RAP1B: variants seen among roughly 807,000 people sequenced by gnomAD.
The protein encoded by RAP1B is ras-related protein Rap-1b.
Under a neutral mutation model 27.5 loss-of-function variants are expected in RAP1B, and 1 was observed. The ratio of observed to expected loss-of-function variants is 0.04; its 90% CI spans 0.01 to 0.17. RAP1B has a LOEUF of 0.17. Among genes scored for constraint, RAP1B ranks in the 10% least tolerant of loss-of-function variants. RAP1B has a pLI of 1.00. For missense variants in RAP1B, 84 were observed against 214.8 expected (o/e 0.39, Z 3.81); for synonymous variants, 75 against 73.1 (o/e 1.03, Z -0.13).
chr12:68,638,009 A>G (rs1872746242), intron 1 of RAP1B, among the ~76,000 whole-genome samples: 1 of 152,160 alleles, frequency 6.6e-6, no homozygotes, highest in Non-Finnish European at 1.5e-5. Context: ...AATTTTGCTA[A>G]CTGGATTAAT....
At chr12:68,650,671 T>G (rs143608455) in intron 3 of RAP1B, 10 of 371,664 alleles carry the variant, frequency 2.7e-5, no homozygotes, top group African/African-American at 2.1e-4. Flanking sequence ...ATTCACAGAA[T>G]TTTTTGTAAT....
intron 1 of RAP1B, 77 bp from the exon 2 acceptor site, chr12:68,648,622 G>A: frequency 8.7e-7 from 1 of 1,148,536 alleles, no homozygotes; most frequent in South Asian, 1.4e-5. Context: ...CTATTTTCCT[G>A]AATGTTTTAT....
At chr12:68,634,214 A>G (rs540385295) in intron 1 of RAP1B, among the ~76,000 whole-genome samples, 8 of 152,374 alleles carry the variant, frequency 5.3e-5, no homozygotes, top group East Asian at 1.9e-4. Context: ...TTTACTGGCT[A>G]CTTCCTATGT....
intron 1 of RAP1B, among the ~76,000 whole-genome samples, chr12:68,616,304 A>G (rs1871002809): frequency 6.7e-6 from 1 of 149,232 alleles, no homozygotes; most frequent in African/African-American, 2.5e-5. Flanking sequence ...GTTTTTTTTG[A>G]GACAGAGTCT....
rs546515142 is a variant in RAP1B, at chr12:68,626,929, G to A, written c.-27+15886G>A. 238 of 1,549,468 alleles carry A rather than the reference G, an allele frequency of 1.5e-4. 4 individuals carry two copies. The East Asian group carries it at 4.3e-3, about 28-fold the overall frequency. ...CCACGATTGGAAATGTACTTGACCC[G>A]ACAGCCATCTGGGATGAGCCGCTTC... On this transcript the variant is annotated intron_variant, in intron 1 of 7. Transcript: ENST00000250559.
intron 1 of RAP1B, chr12:68,642,449 T>G: frequency 1.4e-6 from 1 of 736,596 alleles, no homozygotes; most frequent in East Asian, 2.7e-5. Flanking sequence ...GTCTACTGTA[T>G]AATTATTATT....
chr12:68,614,438 T>G (rs1303283931), intron 1 of RAP1B, among the ~76,000 whole-genome samples: 2 of 152,234 alleles, frequency 1.3e-5, no homozygotes, highest in Non-Finnish European at 2.9e-5. Context: ...TTTCTAGATT[T>G]GACTGGCACT....
intron 1 of RAP1B, among the ~76,000 whole-genome samples, chr12:68,615,744 TTTTAC>T (rs1178956166): frequency 6.6e-6 from 1 of 152,164 alleles, no homozygotes; most frequent in African/African-American, 2.4e-5. Context: ...TTGTAATTAC[TTTTAC>T]TTTATGTTTT....
At chr12:68,618,948 T>TA (rs534162770) in intron 1 of RAP1B, among the ~76,000 whole-genome samples, 65 of 145,294 alleles carry the variant, frequency 4.5e-4, no homozygotes, top group Non-Finnish European at 5.2e-4. Flanking sequence ...TCTCTCCTAT[T>TA]AAAAAAAAAA....
At chr12:68,636,580 A>G (rs1346775150) in intron 1 of RAP1B, among the ~76,000 whole-genome samples, 7 of 152,120 alleles carry the variant, frequency 4.6e-5, no homozygotes, top group Admixed American at 4.6e-4. Flanking sequence ...GGCATGTACC[A>G]CCACACCCAG....
intron 6 of RAP1B, 26 bp downstream of exon 6, chr12:68,656,475 G>A (rs776520168): frequency 6.3e-7 from 1 of 1,581,608 alleles, no homozygotes; most frequent in Admixed American, 1.7e-5. Context: ...CTTAAAATGG[G>A]TCTTCATTTG....
chr12:68,611,400 G>C (rs1409173459), intron 1 of RAP1B, among the ~76,000 whole-genome samples: 2 of 92,082 alleles, frequency 2.2e-5, no homozygotes, highest in Non-Finnish European at 4.0e-5. Flanking sequence ...TTCTCCCGCC[G>C]CCCTCCTTTC....
At chr12:68,616,554 T>A (rs1871030643) in intron 1 of RAP1B, among the ~76,000 whole-genome samples, 1 of 148,132 alleles carries the variant, frequency 6.8e-6, no homozygotes, top group Non-Finnish European at 1.5e-5. Context: ...CAAGCAGATC[T>A]CCTGCCTTAG....
chr12:68,623,423 A>G (rs1455312458), intron 1 of RAP1B, among the ~76,000 whole-genome samples: 1 of 152,210 alleles, frequency 6.6e-6, no homozygotes, highest in Non-Finnish European at 1.5e-5. Flanking sequence ...TTGCCCTGGT[A>G]GATGTTTGTA....
At chr12:68,618,563 C>A (rs776467381) in intron 1 of RAP1B, among the ~76,000 whole-genome samples, 1 of 152,176 alleles carries the variant, frequency 6.6e-6, no homozygotes, top group African/African-American at 2.4e-5. Context: ...GGCGAGTCTA[C>A]AAGTGCAAAA....
chr12:68,635,661 G>T lies in RAP1B; in HGVS notation c.-26-13038G>T, dbSNP rs570011610. Among the ~76,000 whole-genome samples, 3 of 151,824 alleles carry T rather than the reference G, an allele frequency of 2.0e-5. No homozygotes were observed. The South Asian group carries it at 6.2e-4, about 32-fold the overall frequency. On this transcript the variant is annotated intron_variant, in intron 1 of 7. Coordinates refer to ENST00000250559, the MANE Select transcript of RAP1B (RefSeq NM_001010942.3). ...GTAGAGACGGGGTTTCACCATATTG[G>T]CCAGGCTGGTCTCGAACTCCTGACC...
Position 68,662,008 on chromosome 12 carries a change from C to CTATATATATATATATATATATA in RAP1B, c.*2763_*2784dup, listed in dbSNP as rs63676662. 5.8e-4 allele frequency: 78 copies of CTATATATATATATATATATATA among 133,878 alleles called. No homozygotes were observed. Among genetic ancestry groups the CTATATATATATATATATATATA allele is most frequent in the Middle Eastern group, 3.8e-3 (1 of 264 alleles). 8.3% of individuals were successfully genotyped at this position (133,878 alleles called of 1,614,324 possible). ...TGAATGCCAGTGCTATCCTCTAGGT[C>CTATATATATATATATATATATA]TATATATATATATATATATATATAT... On this transcript the variant is annotated 3_prime_UTR_variant, in exon 8 of 8. Coordinates refer to ENST00000250559, the MANE Select transcript of RAP1B (RefSeq NM_001010942.3).
chr12:68,668,627 T>G lies in RAP1B; in HGVS notation c.*9378T>G, dbSNP rs532327854. 1 of 152,348 alleles carries G rather than the reference T, an allele frequency of 6.6e-6. No individual in the cohort carries two copies. The highest frequency in any genetic ancestry group is 1.9e-4 in the East Asian group (1 of 5,196). 9.4% of individuals were successfully genotyped at this position (152,348 alleles called of 1,614,324 possible). A position where few individuals can be genotyped will look rare whatever the true frequency, so the allele number is the denominator to read the frequency against. On this transcript the variant is annotated 3_prime_UTR_variant, in exon 8 of 8. Coordinates refer to ENST00000250559, the MANE Select transcript of RAP1B (RefSeq NM_001010942.3). ...AACGTTAACAATCTGAAATCATCCC[T>G]GCACAGACTTTCTTGGCTCTTCTTT...
chr12:68,642,227 TC>T (rs1873066457), intron 1 of RAP1B, among the ~76,000 whole-genome samples: 1 of 152,186 alleles, frequency 6.6e-6, no homozygotes, highest in Non-Finnish European at 1.5e-5. Flanking sequence ...TCAAACTGCA[TC>T]CAGTTTTTAC....
Sources: allele counts gnomAD v4.1 joint callset (sites outside exome capture counted in the v4.1 genomes callset), GRCh38; gene constraint gnomAD v4.1.1; transcripts MANE v1.5; gene names NCBI Gene and HGNC (gene_info 2026-07-23, HGNC 2026-07-21).